Variants in DPP10 observed in about 807,000 individuals in gnomAD.
The protein encoded by DPP10 is inactive dipeptidyl peptidase 10.
In DPP10, 33 loss-of-function variants were observed where a neutral mutation model predicts 120.9. That is an observed-to-expected ratio of 0.27 (90% CI 0.21 to 0.37). The LOEUF (loss-of-function observed/expected upper bound fraction) is 0.37, where lower values mean the gene tolerates loss of function less well. DPP10 is among the 10% of genes least tolerant of loss of function. The pLI is 1.00. For missense variants in DPP10, 816 were observed against 942.8 expected, an observed-to-expected ratio of 0.87 and a Z score of 1.76; for synonymous variants, 337 against 326.1, an observed-to-expected ratio of 1.03 and a Z score of -0.36.
At chr2:115,063,249 G>A (rs141456522) in intron 1 of DPP10, among the ~76,000 whole-genome samples, 2,498 of 152,034 alleles carry the variant, frequency 0.016, 53 homozygotes, top group African/African-American at 0.047. Context: ...TTTTTTCCTC[G>A]TAAATTTGTT....
At chr2:114,972,069 A>T (rs543447984) in intron 1 of DPP10, among the ~76,000 whole-genome samples, 1 of 152,316 alleles carries the variant, frequency 6.6e-6, no homozygotes, top group South Asian at 2.1e-4. Flanking sequence ...TTAAAACCCC[A>T]TTTAGAATGA....
intron 21 of DPP10, 38 bp from the exon 22 acceptor site, chr2:115,836,119 G>GATATATATATATATATATAT (rs34212292): frequency 1.6e-6 from 1 of 645,000 alleles, no homozygotes; most frequent in African/African-American, 2.1e-5. Context: ...GTGTGTGTGA[G>GATATATATATATATATATAT]ATATATATAT....
At chr2:115,191,994 T>C (rs191945651) in intron 1 of DPP10, among the ~76,000 whole-genome samples, 5 of 152,284 alleles carry the variant, frequency 3.3e-5, no homozygotes, top group African/African-American at 1.2e-4. Flanking sequence ...TAGGCCTATG[T>C]CTTTTTGGGG....
In DPP10 at chr2:115,064,613, T is replaced by G. The variant is rs1394916963; in HGVS notation, c.61-244626T>G. On this transcript the variant is annotated intron_variant, in intron 1 of 25. Coordinates refer to ENST00000410059, the MANE Select transcript of DPP10 (RefSeq NM_020868.6). ...GGACATAGGTGGGCACTGACGTAGA[T>G]TCTTTGCTTCCTGTACTTATATGTG... 4.0e-6 allele frequency: 5 copies of G among 1,241,860 alleles called. No homozygotes were observed. The African/African-American group carries it at 6.2e-5, about 15-fold the overall frequency. 76.9% of individuals were successfully genotyped at this position (1,241,860 alleles called of 1,614,324 possible). A position where few individuals can be genotyped will look rare whatever the true frequency, so the allele number is the denominator to read the frequency against.
chr2:115,662,946 C>T (rs1334562932), intron 5 of DPP10, among the ~76,000 whole-genome samples: 5 of 152,076 alleles, frequency 3.3e-5, no homozygotes, highest in African/African-American at 9.7e-5. Flanking sequence ...TGGCACTTCA[C>T]TTTTCTTGCA....
intron 1 of DPP10, among the ~76,000 whole-genome samples, chr2:114,848,022 G>A (rs1464096512): frequency 6.6e-6 from 1 of 152,162 alleles, no homozygotes; most frequent in African/African-American, 2.4e-5. Flanking sequence ...AAAAGTATCA[G>A]TTTTATATGT....
At chr2:115,709,905 AAC>A (rs1048802864) in intron 7 of DPP10, among the ~76,000 whole-genome samples, 3 of 152,112 alleles carry the variant, frequency 2.0e-5, no homozygotes, top group Non-Finnish European at 4.4e-5. Flanking sequence ...TGCAATAAAA[AAC>A]ACAAATTTAC....
chr2:115,719,087 T>A (rs1327011011), intron 7 of DPP10, among the ~76,000 whole-genome samples: 2 of 152,188 alleles, frequency 1.3e-5, no homozygotes, highest in African/African-American at 4.8e-5. Flanking sequence ...TTATGCTAAA[T>A]AAGTTTTATG....
chr2:114,932,660 T>C (rs1696166116), intron 1 of DPP10, among the ~76,000 whole-genome samples: 1 of 152,180 alleles, frequency 6.6e-6, no homozygotes. Flanking sequence ...GATGGGTGGC[T>C]GTATTGACTG....
intron 4 of DPP10, among the ~76,000 whole-genome samples, chr2:115,518,090 G>A (rs576038537): frequency 5.9e-5 from 9 of 152,148 alleles, no homozygotes; most frequent in Admixed American, 5.9e-4. Context: ...GCTCTCATGA[G>A]AACTAATAGA....
At chr2:115,701,708 G>C (rs1342365363) in intron 7 of DPP10, among the ~76,000 whole-genome samples, 1 of 151,976 alleles carries the variant, frequency 6.6e-6, no homozygotes, top group Non-Finnish European at 1.5e-5. Context: ...TCTAAGAAGA[G>C]GTTAATATAG....
chr2:114,494,973 G>A (rs762201623), intron 1 of DPP10, among the ~76,000 whole-genome samples: 1 of 152,034 alleles, frequency 6.6e-6, no homozygotes, highest in Non-Finnish European at 1.5e-5. Context: ...GTTTTGTGTG[G>A]AGAAGTTTTC....
At chr2:115,842,082 T>C in intron 25 of DPP10, 129 bp from the exon 26 acceptor site, 3 of 830,514 alleles carry the variant, frequency 3.6e-6, no homozygotes, top group Non-Finnish European at 5.3e-6. Flanking sequence ...TAACTTAGAG[T>C]AGAATTAGGT....
At chr2:114,460,181 C>CTATA (rs1678807689) in intron 1 of DPP10, among the ~76,000 whole-genome samples, 1 of 75,516 alleles carries the variant, frequency 1.3e-5, no homozygotes, top group African/African-American at 3.7e-5. Context: ...ATCTATCTAT[C>CTATA]TATCTATCTA....
At chr2:114,953,507 T>C (rs1252808464) in intron 1 of DPP10, among the ~76,000 whole-genome samples, 1 of 152,082 alleles carries the variant, frequency 6.6e-6, no homozygotes, top group Non-Finnish European at 1.5e-5. Flanking sequence ...TGTGTGTACA[T>C]GAACATGTAT....
chr2:115,825,369 C>T (rs1007665682), intron 21 of DPP10, among the ~76,000 whole-genome samples: 9 of 152,214 alleles, frequency 5.9e-5, no homozygotes, highest in African/African-American at 1.7e-4. Flanking sequence ...CTCCTGTGTA[C>T]TCATAGAACA....
At chr2:114,954,992 C>G (rs578043058) in intron 1 of DPP10, among the ~76,000 whole-genome samples, 1 of 152,078 alleles carries the variant, frequency 6.6e-6, no homozygotes, top group African/African-American at 2.4e-5. Context: ...AGAAAAGCCC[C>G]GAAACAAATG....
At chr2:115,624,582 A>G (rs2085216000) in intron 5 of DPP10, among the ~76,000 whole-genome samples, 2 of 152,190 alleles carry the variant, frequency 1.3e-5, no homozygotes, top group Admixed American at 1.3e-4. Flanking sequence ...GTTCCTGCAT[A>G]CTTTGCGTGA....
chr2:115,154,104 C>A (rs2051742062), intron 1 of DPP10, among the ~76,000 whole-genome samples: 1 of 151,722 alleles, frequency 6.6e-6, no homozygotes, highest in African/African-American at 2.4e-5. Flanking sequence ...GTCCTTTTGG[C>A]AGTATATATA....
Sources: gnomAD v4.1 joint callset for allele counts (sites outside exome capture counted in the v4.1 genomes callset) on GRCh38, gnomAD v4.1.1 for gene constraint, MANE v1.5 for transcripts, NCBI Gene and HGNC (gene_info 2026-07-23, HGNC 2026-07-21) for gene names.